The following VTCN1 variants were observed in gnomAD, a reference collection of about 807,000 sequenced individuals.
VTCN1 encodes V-set domain containing T cell activation inhibitor 1.
Under a neutral mutation model 26.5 loss-of-function variants are expected in VTCN1, and 26 were observed. The ratio of observed to expected loss-of-function variants is 0.98; its 90% confidence interval spans 0.72 to 1.36. VTCN1 has a LOEUF of 1.36. Among genes scored for constraint, VTCN1 ranks in the 40% most tolerant of loss-of-function variants. VTCN1 has a pLI of 0.00. For synonymous variants in VTCN1, 116 were observed against 130.7 expected, an observed-to-expected ratio of 0.89 and a Z score of 0.77; for missense variants, 298 against 337.7, an observed-to-expected ratio of 0.88 and a Z score of 0.92.
chr1:117,172,569 C>A, intron 1 of VTCN1: 1 of 465,492 alleles, frequency 2.1e-6, no homozygotes, highest in South Asian at 1.5e-5. Context: ...CTTCATCGCT[C>A]TGAGGCTTAT....
chr1:117,166,835 T>C (rs573832867), intron 2 of VTCN1, among the ~76,000 whole-genome samples: 1 of 152,060 alleles, frequency 6.6e-6, no homozygotes, highest in Admixed American at 6.5e-5. Flanking sequence ...CTCACACCTG[T>C]AATCCCAGCA....
chr1:117,200,326 G>C (rs1167897827), intron 1 of VTCN1, among the ~76,000 whole-genome samples: 1 of 152,130 alleles, frequency 6.6e-6, no homozygotes, highest in Non-Finnish European at 1.5e-5. Flanking sequence ...TGGAGCCTGG[G>C]AGGTCAAGGC....
intron 2 of VTCN1, among the ~76,000 whole-genome samples, chr1:117,164,091 C>G (rs1424321929): frequency 6.6e-6 from 1 of 152,064 alleles, no homozygotes; most frequent in Non-Finnish European, 1.5e-5. Flanking sequence ...AGCTGAGGAG[C>G]AGATGTCCCT....
Position 117,167,056 on chromosome 1 carries a change from G to C in VTCN1, c.97+3051C>G, listed in dbSNP as rs1195102914. ...TGCAGTGAGCCGAGATTATGCCACT[G>C]TACTCCAGCCTGAGCGACAGAGCAA... On this transcript the variant is annotated intron_variant, in intron 2 of 5. Coordinates refer to ENST00000369458, the MANE Select transcript of VTCN1 (RefSeq NM_024626.4). This position sits in a 1 kb window ranked among gnomAD's most constrained non-coding sequence, Gnocchi z 4.1. Among the ~76,000 whole-genome samples the C allele has an allele frequency of 6.8e-6, 1 of 147,146 alleles. No individual in the cohort carries two copies. The highest frequency in any genetic ancestry group is 1.5e-5 in the Non-Finnish European group (1 of 67,634).
chr1:117,187,148 A>C (rs1398403913), intron 1 of VTCN1, among the ~76,000 whole-genome samples: 1 of 151,624 alleles, frequency 6.6e-6, no homozygotes, highest in Non-Finnish European at 1.5e-5. Flanking sequence ...CTGCCTCTAC[A>C]AAAAATACAA....
chr1:117,188,034 T>C (rs946818641), intron 1 of VTCN1, among the ~76,000 whole-genome samples: 2 of 152,152 alleles, frequency 1.3e-5, no homozygotes, highest in African/African-American at 2.4e-5. Flanking sequence ...GGGAAGATAT[T>C]TCTTCGGGGA....
intron 3 of VTCN1, among the ~76,000 whole-genome samples, chr1:117,154,872 A>G (rs915566014): frequency 2.0e-5 from 3 of 151,898 alleles, no homozygotes; most frequent in Non-Finnish European, 4.4e-5. Flanking sequence ...TAAATTCCAG[A>G]TTTGATTTGT....
In VTCN1 at chr1:117,159,752, C is replaced by T. The variant is rs1383789541; in HGVS notation, c.98-2831G>A. 6.6e-6 allele frequency among the ~76,000 whole-genome samples: 1 copy of T among 152,212 alleles called. No homozygotes were observed. Among genetic ancestry groups the T allele is most frequent in the Non-Finnish European group, 1.5e-5 (1 of 68,032 alleles). ...TTCTAAAGTGCTGTAACTTTTATTT[C>T]TGTTTGAATGACATAGAAACTAAGG... On this transcript the variant is annotated intron_variant, in intron 2 of 5. Coordinates refer to ENST00000369458, the MANE Select transcript of VTCN1 (RefSeq NM_024626.4). The surrounding 1 kb of genome is among the most constrained non-coding windows in gnomAD (Gnocchi z 4.7).
At chr1:117,196,077 G>A (rs1006607680) in intron 1 of VTCN1, among the ~76,000 whole-genome samples, 1 of 152,136 alleles carries the variant, frequency 6.6e-6, no homozygotes, top group African/African-American at 2.4e-5. Context: ...ACTTGATCCT[G>A]GGAAGTTGAG....
intron 1 of VTCN1, among the ~76,000 whole-genome samples, chr1:117,207,963 C>A (rs1369635804): frequency 6.6e-6 from 1 of 152,206 alleles, no homozygotes; most frequent in African/African-American, 2.4e-5. Context: ...CTTCTTCTGG[C>A]CTCCAGGCTT....
At chr1:117,156,989 T>C in intron 2 of VTCN1, 68 bp from the exon 3 acceptor site, 1 of 1,610,302 alleles carries the variant, frequency 6.2e-7, no homozygotes, top group Non-Finnish European at 8.5e-7. Context: ...AACCCTTCAT[T>C]GCTGAAAGCC....
intron 1 of VTCN1, among the ~76,000 whole-genome samples, chr1:117,192,150 A>T (rs1648277766): frequency 6.6e-6 from 1 of 152,190 alleles, no homozygotes. Flanking sequence ...AGCAGCAGGA[A>T]AAAACAGGCT....
At chr1:117,164,663 TC>T (rs1311157452) in intron 2 of VTCN1, among the ~76,000 whole-genome samples, 1 of 152,180 alleles carries the variant, frequency 6.6e-6, no homozygotes, top group East Asian at 1.9e-4. Context: ...TTAAGTTGTA[TC>T]CCAAAGGATA....
intron 3 of VTCN1, among the ~76,000 whole-genome samples, chr1:117,153,781 G>A (rs1459924859): frequency 6.6e-6 from 1 of 152,150 alleles, no homozygotes; most frequent in East Asian, 1.9e-4. Context: ...GTTAGGGTGG[G>A]TAGGGAGAAG....
At chr1:117,149,104 G>A (rs1012819492) in intron 4 of VTCN1, among the ~76,000 whole-genome samples, 6 of 152,126 alleles carry the variant, frequency 3.9e-5, no homozygotes, top group Admixed American at 3.9e-4. Context: ...TGACACTGGT[G>A]GGGATCCCTT....
intron 1 of VTCN1, among the ~76,000 whole-genome samples, chr1:117,210,540 C>A (rs561660428): frequency 6.6e-6 from 1 of 152,206 alleles, no homozygotes; most frequent in Non-Finnish European, 1.5e-5. Flanking sequence ...CAGCTTGGCA[C>A]GTACTCCCCT....
At chr1:117,176,097 T>C (rs929432868) in intron 1 of VTCN1, among the ~76,000 whole-genome samples, 1 of 152,084 alleles carries the variant, frequency 6.6e-6, no homozygotes, top group East Asian at 1.9e-4. Flanking sequence ...AAACAACCTT[T>C]CATTTATCAG....
chr1:117,165,046 A>C (rs750946724), intron 2 of VTCN1, among the ~76,000 whole-genome samples: 5 of 152,264 alleles, frequency 3.3e-5, no homozygotes, highest in Non-Finnish European at 7.3e-5. Flanking sequence ...ATGTTTTCAA[A>C]AGCTGTGGTC....
intron 1 of VTCN1, among the ~76,000 whole-genome samples, chr1:117,172,863 C>T (rs1652996798): frequency 6.6e-6 from 1 of 152,092 alleles, no homozygotes; most frequent in Non-Finnish European, 1.5e-5. Flanking sequence ...TGTAAACGCA[C>T]GGATCAGCAC....
Sources: allele counts gnomAD v4.1 joint callset (sites outside exome capture counted in the v4.1 genomes callset), GRCh38; gene constraint gnomAD v4.1.1; non-coding constraint Gnocchi (gnomAD v3.1); transcripts MANE v1.5; gene names NCBI Gene and HGNC (gene_info 2026-07-23, HGNC 2026-07-21).